KYNU: variants seen among roughly 807,000 people sequenced by gnomAD.
KYNU encodes kynureninase.
Under a neutral mutation model 59.2 loss-of-function variants are expected in KYNU, and 54 were observed. That is an observed-to-expected ratio of 0.91 (90% CI 0.73 to 1.14). KYNU has a LOEUF of 1.14. Among genes scored for constraint, KYNU ranks in the 50% most tolerant of loss-of-function variants. The probability of loss-of-function intolerance (pLI) is 0.00; values close to 1 mark genes in which losing one functional copy is unlikely to be tolerated. For synonymous variants in KYNU, 177 were observed against 192.0 expected (o/e 0.92, Z 0.65); for missense variants, 567 against 554.4 (o/e 1.02, Z -0.23).
chr2:142,892,791 T>A (rs1681755523), intron 2 of KYNU, among the ~76,000 whole-genome samples: 1 of 152,216 alleles, frequency 6.6e-6, no homozygotes, highest in African/African-American at 2.4e-5. Context: ...AAAGAGGAAC[T>A]AGTTTTTTAT....
intron 8 of KYNU, among the ~76,000 whole-genome samples, chr2:142,978,797 G>C (rs993135838): frequency 2.0e-5 from 3 of 152,012 alleles, no homozygotes; most frequent in African/African-American, 7.2e-5. Context: ...ATCTTATCTT[G>C]TATAAGTACT....
chr2:142,906,008 T>C (rs1205627001), intron 2 of KYNU, among the ~76,000 whole-genome samples: 1 of 152,136 alleles, frequency 6.6e-6, no homozygotes, highest in Non-Finnish European at 1.5e-5. Flanking sequence ...TCTGTCTCTC[T>C]CTCTCTCCTC....
chr2:143,046,179 ATT>A lies in KYNU; in HGVS notation c.*4010_*4011del, dbSNP rs951506948. ...AATCCACAGATAACCATCGAATTAT[ATT>A]TTGTTTTCTTCATTCCCTTACTTTC... On this transcript the variant is annotated 3_prime_UTR_variant, in exon 14 of 14. Transcript: ENST00000264170. The A allele has an allele frequency of 6.6e-6, 1 of 152,076 alleles. No individual in the cohort carries two copies. The highest frequency in any genetic ancestry group is 2.4e-5 in the African/African-American group (1 of 41,408). 9.4% of individuals were successfully genotyped at this position (152,076 alleles called of 1,614,324 possible). A position where few individuals can be genotyped will look rare whatever the true frequency, so the allele number is the denominator to read the frequency against.
rs78295684 is a variant in KYNU, at chr2:142,888,846, G to A, written c.169+3310G>A. ...CAGAGAACCAAAGAGCAAAGCTGTCGCATACTTGAACGTGTATCTAGTATG... is the reference window on the plus strand; with the variant it reads ...CAGAGAACCAAAGAGCAAAGCTGTCACATACTTGAACGTGTATCTAGTATG... On this transcript the variant is annotated intron_variant, in intron 2 of 13. Transcript: ENST00000264170. Among the ~76,000 whole-genome samples the A allele has an allele frequency of 5.1e-3, 754 of 149,010 alleles. 5 individuals are homozygous for A. The highest frequency in any genetic ancestry group is 0.01 in the Middle Eastern group (3 of 294).
intron 8 of KYNU, among the ~76,000 whole-genome samples, chr2:142,984,669 T>A (rs752059026): frequency 6.6e-6 from 1 of 152,066 alleles, no homozygotes; most frequent in Non-Finnish European, 1.5e-5. Context: ...TGAGATTTAA[T>A]GAAAATTGAT....
Position 143,028,181 on chromosome 2 carries a change from T to C in KYNU, c.903-1446T>C, listed in dbSNP as rs998762828. ...TTTATAGTCTTTTTCATGTAATATA[T>C]ACACACACGTATGTGATTTTCCCTA... On this transcript the variant is annotated intron_variant, in intron 10 of 13. Transcript: ENST00000264170. 5.3e-5 allele frequency among the ~76,000 whole-genome samples: 8 copies of C among 151,410 alleles called. No homozygotes were observed. The South Asian group carries it at 1.7e-3, about 32-fold the overall frequency.
intron 1 of KYNU, among the ~76,000 whole-genome samples, chr2:142,881,921 T>C (rs546946138): frequency 1.4e-4 from 20 of 143,178 alleles, no homozygotes; most frequent in Admixed American, 2.8e-4. Flanking sequence ...TTTTTCTTTT[T>C]TTTTTTTTTT....
chr2:142,939,063 G>A (rs1467862345), intron 4 of KYNU, among the ~76,000 whole-genome samples: 1 of 152,112 alleles, frequency 6.6e-6, no homozygotes, highest in Non-Finnish European at 1.5e-5. Flanking sequence ...TTAGGCTGAG[G>A]CAGGAGCTCA....
chr2:142,897,018 G>A (rs753077846), intron 2 of KYNU, among the ~76,000 whole-genome samples: 12 of 151,936 alleles, frequency 7.9e-5, no homozygotes, highest in Non-Finnish European at 1.6e-4. Context: ...GACTTCTTTC[G>A]CCCATAATTT....
chr2:142,966,037 G>A (rs1263478446), intron 8 of KYNU, among the ~76,000 whole-genome samples: 1 of 151,768 alleles, frequency 6.6e-6, no homozygotes, highest in Non-Finnish European at 1.5e-5. Context: ...ATGGAAAATT[G>A]ACAAGGTGAA....
chr2:143,033,291 G>A lies in KYNU; in HGVS notation c.1011G>A (p.Leu337=). 1 of 1,613,876 alleles carries A rather than the reference G, an allele frequency of 6.2e-7. No homozygotes were observed. Among genetic ancestry groups the A allele is most frequent in the Non-Finnish European group, 8.5e-7 (1 of 1,179,774 alleles). Residue 337 remains leucine, a synonymous_variant, in exon 12 of 14, where the codon TTG becomes TTA. Transcript: ENST00000264170. Reference sequence around the variant, plus strand: ...TCCGAATTTCAAATCCTCCCATTTTGTTGGTCTGTTCCTTGCATGCTAGTT... The same window carrying A: ...TCCGAATTTCAAATCCTCCCATTTTATTGGTCTGTTCCTTGCATGCTAGTT... The part of the protein sequence containing the change: ...CGFRISNPPI[L]LVCSLHASLE...
chr2:142,951,233 G>A (rs1683979526), intron 4 of KYNU, among the ~76,000 whole-genome samples: 1 of 152,186 alleles, frequency 6.6e-6, no homozygotes, highest in African/African-American at 2.4e-5. Flanking sequence ...GGTTGCCACA[G>A]ACCTACAGTT....
chr2:142,900,765 G>C (rs529090062), intron 2 of KYNU, among the ~76,000 whole-genome samples: 1 of 152,254 alleles, frequency 6.6e-6, no homozygotes, highest in Non-Finnish European at 1.5e-5. Context: ...GCTGAATTGG[G>C]GTGTAGTATG....
At chr2:143,018,450 T>C (rs1341615127) in intron 10 of KYNU, among the ~76,000 whole-genome samples, 1 of 151,918 alleles carries the variant, frequency 6.6e-6, no homozygotes, top group African/African-American at 2.4e-5. Context: ...AGATGGCTGT[T>C]ATGCAGCTTT....
At chr2:142,912,185 T>A (rs1682501016) in intron 2 of KYNU, among the ~76,000 whole-genome samples, 1 of 152,012 alleles carries the variant, frequency 6.6e-6, no homozygotes, top group African/African-American at 2.4e-5. Flanking sequence ...GCACAGGACT[T>A]TTTTTGGTTG....
At chr2:142,936,109 T>C (rs352901) in intron 4 of KYNU, among the ~76,000 whole-genome samples, 3,991 of 151,446 alleles carry the variant, frequency 0.026, 173 homozygotes, top group Admixed American at 0.11. Context: ...AGAGGTAGGG[T>C]TGGGAGGAGA....
chr2:142,990,971 T>C lies in KYNU; in HGVS notation c.902+4950T>C, dbSNP rs1208507390. Among the ~76,000 whole-genome samples the C allele has an allele frequency of 3.3e-5, 5 of 151,860 alleles. No homozygotes were observed. The East Asian group carries it at 9.7e-4, about 29-fold the overall frequency. On this transcript the variant is annotated intron_variant, in intron 10 of 13. Transcript: ENST00000264170. ...CAGTGCATGGTTAAGAAATAAGAGT[T>C]GTTACTATTTGGCAACAACATTAGA...
At chr2:142,960,221 G>C (rs986324322) in intron 7 of KYNU, among the ~76,000 whole-genome samples, 1 of 152,108 alleles carries the variant, frequency 6.6e-6, no homozygotes, top group Non-Finnish European at 1.5e-5. Flanking sequence ...CAGGATATCA[G>C]ATTGATAAAT....
At chr2:142,941,547 A>C (rs2105051050) in intron 4 of KYNU, among the ~76,000 whole-genome samples, 1 of 152,324 alleles carries the variant, frequency 6.6e-6, no homozygotes, top group African/African-American at 2.4e-5. Context: ...CAAAGCCTCA[A>C]ACCTTATATG....
Sources: gnomAD v4.1 joint callset for allele counts (sites outside exome capture counted in the v4.1 genomes callset) on GRCh38, gnomAD v4.1.1 for gene constraint, MANE v1.5 for transcripts, NCBI Gene and HGNC (gene_info 2026-07-23, HGNC 2026-07-21) for gene names.